Variants in AGA observed in about 807,000 individuals in gnomAD.
AGA encodes the protein N(4)-(beta-N-acetylglucosaminyl)-L-asparaginase.
In AGA, 31 loss-of-function variants were observed where a neutral mutation model predicts 40.1. The ratio of observed to expected loss-of-function variants is 0.77; its 90% confidence interval spans 0.58 to 1.04. AGA has a LOEUF of 1.04. Ranked by LOEUF, AGA falls within the 50% of genes least tolerant of loss-of-function variation. AGA has a pLI of 0.00. For missense variants in AGA, 445 were observed against 435.4 expected, an observed-to-expected ratio of 1.02 and a Z score of -0.20; for synonymous variants, 148 against 144.0, an observed-to-expected ratio of 1.03 and a Z score of -0.20.
intron 8 of AGA, among the ~76,000 whole-genome samples, chr4:177,432,528 C>A (rs1736664145): frequency 6.6e-6 from 1 of 151,940 alleles, no homozygotes; most frequent in African/African-American, 2.4e-5. Flanking sequence ...TAAAGCATTC[C>A]TCAAACAAGT....
chr4:177,440,916 G>GAT (rs1368605176), intron 1 of AGA, among the ~76,000 whole-genome samples: 1 of 152,132 alleles, frequency 6.6e-6, no homozygotes. Context: ...GACTTCATAT[G>GAT]GATTAGTTCA....
At chr4:177,438,710 A>G in intron 4 of AGA, 35 bp downstream of exon 4, 1 of 1,383,912 alleles carries the variant, frequency 7.2e-7, no homozygotes. Flanking sequence ...AATATTTTCA[A>G]TTAACTTATT....
intron 7 of AGA, among the ~76,000 whole-genome samples, chr4:177,433,793 G>C (rs1736704362): frequency 6.6e-6 from 1 of 152,086 alleles, no homozygotes; most frequent in Non-Finnish European, 1.5e-5. Context: ...TTACTCAGTA[G>C]CTTTACATCA....
chr4:177,442,101 G>C (rs1174512560), intron 1 of AGA, 148 bp downstream of exon 1: 10 of 1,195,064 alleles, frequency 8.4e-6, no homozygotes, highest in Admixed American at 7.5e-5. Context: ...CTGGAGACTC[G>C]GGAAGACCTA....
intron 6 of AGA, 143 bp from the exon 7 acceptor site, chr4:177,434,632 G>A: frequency 1.5e-6 from 1 of 688,810 alleles, no homozygotes; most frequent in Non-Finnish European, 2.5e-6. Context: ...GACAGAACAG[G>A]TCTTCATTAG....
In AGA at chr4:177,433,125, T is replaced by C. The variant is rs953047061; in HGVS notation, c.940+89A>G. On this transcript the variant is annotated intron_variant, in intron 8 of 8. Transcript: ENST00000264595. ...AAGGAGTCTCTTTTTCTATTGAATA[T>C]AGTGTATTGTACAAAACAATATTTA... 5 of 1,556,230 alleles carry C rather than the reference T, an allele frequency of 3.2e-6. No homozygotes were observed. The African/African-American group carries it at 5.4e-5, about 17-fold the overall frequency.
At chr4:177,433,031 G>A (rs1347773209) in intron 8 of AGA, among the ~76,000 whole-genome samples, 183 bp downstream of exon 8, 2 of 152,122 alleles carry the variant, frequency 1.3e-5, no homozygotes, top group Non-Finnish European at 2.9e-5. Flanking sequence ...AATCCAAAGA[G>A]GCTTTTAGGT....
chr4:177,440,285 A>G lies in AGA; in HGVS notation c.269T>C (p.Met90Thr). Reference sequence around the variant, plus strand: ...ACGGTGTTCTTACCCATCCATGATCATGGCATCTAGTGTGGTTTCTCCAAG... The same window carrying G: ...ACGGTGTTCTTACCCATCCATGATCGTGGCATCTAGTGTGGTTTCTCCAAG... ...DELGETTLDA[M>T]IMDGTTMDVG... is the part of the protein sequence containing the mutation. Residue 90 changes from methionine to threonine, a missense_variant, in exon 2 of 9, where the codon ATG becomes ACG. By Grantham distance (81) the Met-to-Thr change is moderately conservative. Coordinates refer to ENST00000264595, the MANE Select transcript of AGA (RefSeq NM_000027.4). 1 of 1,613,928 alleles carries G rather than the reference A, an allele frequency of 6.2e-7. No homozygotes were observed. Among genetic ancestry groups the G allele is most frequent in the South Asian group, 1.1e-5 (1 of 91,068 alleles).
Position 177,440,286 on chromosome 4 carries a change from TG to T in AGA, c.267del (p.Met90Ter). The T allele has an allele frequency of 6.2e-7, 1 of 1,614,056 alleles. No individual in the cohort carries two copies. Among genetic ancestry groups the T allele is most frequent in the Non-Finnish European group, 8.5e-7 (1 of 1,180,012 alleles). ...PDELGETTLD[A>X]MIMDGTTMDV... ...CGGTGTTCTTACCCATCCATGATCA[TG>T]GCATCTAGTGTGGTTTCTCCAAGTT... On this transcript the variant is annotated frameshift_variant, in exon 2 of 9. Transcript: ENST00000264595. LOFTEE classifies it high-confidence loss of function.
Position 177,430,803 on chromosome 4 carries a change from T to C in AGA, c.*905A>G, listed in dbSNP as rs1191217511. ...AATATCGTACATGTACATTTATTAA[T>C]GACTGTTGATTAAAAAGATGATTTT... On this transcript the variant is annotated 3_prime_UTR_variant, in exon 9 of 9. Transcript: ENST00000264595. The C allele has an allele frequency of 8.8e-6, 4 of 453,874 alleles. No individual in the cohort carries two copies. The highest frequency in any genetic ancestry group is 3.1e-5 in the South Asian group (2 of 64,470). 28.1% of individuals were successfully genotyped at this position (453,874 alleles called of 1,614,324 possible).
In AGA at chr4:177,436,321, A is replaced by G. The variant is rs1560947999; in HGVS notation, c.653T>C (p.Ile218Thr). Residue 218 changes from isoleucine (I) to threonine (T), a missense_variant, in exon 6 of 9, where the codon ATT becomes ACT. By Grantham distance (89) the Ile-to-Thr change is moderately conservative. Coordinates refer to ENST00000264595, the MANE Select transcript of AGA (RefSeq NM_000027.4). ...GMVVIHKTGH[I>T]AAGTSTNGIK... The stretch of plus-strand genomic sequence containing the variant: ...ACCATTTGTAGATGTACCAGCAGCA[A>G]TATGTCCTGTCTTATGGATTACAAC... The G allele has an allele frequency of 4.3e-6, 7 of 1,613,762 alleles. No homozygotes were observed. Among genetic ancestry groups the G allele is most frequent in the Non-Finnish European group, 5.9e-6 (7 of 1,179,850 alleles).
At position 177,437,385 on chromosome 4, in the gene AGA, C is replaced by T; in HGVS notation, c.622+20G>A. On this transcript the variant is annotated intron_variant, in intron 5 of 8. Coordinates refer to ENST00000264595, the MANE Select transcript of AGA (RefSeq NM_000027.4). ...ATTAACTAAACTTTATCCATAAAAACTGCACAAAAGGCAAATTACCAATAG... is the reference window on the plus strand; with the variant it reads ...ATTAACTAAACTTTATCCATAAAAATTGCACAAAAGGCAAATTACCAATAG... 1 of 1,518,446 alleles carries T rather than the reference C, an allele frequency of 6.6e-7. No individual in the cohort carries two copies. The highest frequency in any genetic ancestry group is 9.1e-7 in the Non-Finnish European group (1 of 1,093,278). 94.1% of individuals were successfully genotyped at this position (1,518,446 alleles called of 1,614,324 possible).
chr4:177,431,705 G>A lies in AGA; in HGVS notation c.*3C>T, dbSNP rs1736640740. 2 of 1,602,500 alleles carry A rather than the reference G, an allele frequency of 1.2e-6. No individual in the cohort carries two copies. Among genetic ancestry groups the A allele is most frequent in the South Asian group, 2.2e-5 (2 of 90,752 alleles). ...AAATACAGATGTTGACAGTAAAGATGGATTAGATGCAGTCCACTTTTTCCT... is the reference window on the plus strand; with the variant it reads ...AAATACAGATGTTGACAGTAAAGATAGATTAGATGCAGTCCACTTTTTCCT... On this transcript the variant is annotated 3_prime_UTR_variant, in exon 9 of 9. Transcript: ENST00000264595.
At chr4:177,435,298 T>G (rs1736775141) in intron 6 of AGA, among the ~76,000 whole-genome samples, 1 of 152,236 alleles carries the variant, frequency 6.6e-6, no homozygotes, top group African/African-American at 2.4e-5. Flanking sequence ...TTAGCCATTC[T>G]ACAACATATA....
chr4:177,441,974 T>A lies in AGA; in HGVS notation c.127+275A>T, dbSNP rs185933943. Reference sequence around the variant, plus strand: ...TAAAGCACAAAGGCCATAACTATGGTCAGCAGCAGGGTGGAAAATACATTG... The same window carrying A: ...TAAAGCACAAAGGCCATAACTATGGACAGCAGCAGGGTGGAAAATACATTG... On this transcript the variant is annotated intron_variant, in intron 1 of 8. Coordinates refer to ENST00000264595, the MANE Select transcript of AGA (RefSeq NM_000027.4). Among the ~76,000 whole-genome samples, 64 of 152,242 alleles carry A rather than the reference T, an allele frequency of 4.2e-4. 1 individual carries two copies. The highest frequency in any genetic ancestry group is 1.5e-3 in the African/African-American group (63 of 41,552).
intron 1 of AGA, among the ~76,000 whole-genome samples, chr4:177,441,192 G>T (rs531385105): frequency 6.6e-5 from 10 of 152,082 alleles, no homozygotes; most frequent in African/African-American, 2.4e-4. Context: ...GTGTATTTAC[G>T]CAAGTTCCCT....
chr4:177,434,491 T>C lies in AGA; in HGVS notation c.699-2A>G. 6.2e-7 allele frequency: 1 copy of C among 1,613,266 alleles called. No individual in the cohort carries two copies. The highest frequency in any genetic ancestry group is 1.1e-5 in the South Asian group (1 of 91,074). On this transcript the variant is annotated splice_acceptor_variant, in intron 6 of 8. Transcript: ENST00000264595. LOFTEE classifies it high-confidence loss of function. ...GGTATTGGTGAGTCTCCTACACGGC[T>C]TTGAGAGGGTATTAACAATTTACGG...
chr4:177,434,395 G>C lies in AGA; in HGVS notation c.793C>G (p.Arg265Gly). ...AATGNGDILM[R>G]FLPSYQAVEY... ...AAGAAGTCATACCTTGGCAGGAAGCGCATCAATATATCACCATTCCCAGTG... is the reference window on the plus strand; with the variant it reads ...AAGAAGTCATACCTTGGCAGGAAGCCCATCAATATATCACCATTCCCAGTG... The change falls in exon 7 of 9, where the codon CGC (arginine) becomes GGC (glycine). Residue 265 changes from arginine to glycine, a missense_variant. Physicochemically the swap from Arg to Gly is moderately radical, Grantham distance 125. Coordinates refer to ENST00000264595, the MANE Select transcript of AGA (RefSeq NM_000027.4). 6.2e-7 allele frequency: 1 copy of C among 1,613,900 alleles called. No individual in the cohort carries two copies. Among genetic ancestry groups the C allele is most frequent in the Non-Finnish European group, 8.5e-7 (1 of 1,179,796 alleles).
At position 177,431,331 on chromosome 4, in the gene AGA, TA is replaced by T. The variant is rs1405794938; in HGVS notation, c.*376del. On this transcript the variant is annotated 3_prime_UTR_variant, in exon 9 of 9. Transcript: ENST00000264595. ...ACTCTGCTGTTTTTTTCTTTGGGTC[TA>T]AAAAACTTGTATACTCTATTTTAAG... 2 of 449,422 alleles carry T rather than the reference TA, an allele frequency of 4.5e-6. No homozygotes were observed. The highest frequency in any genetic ancestry group is 2.5e-5 in the Admixed American group (1 of 40,736). 27.8% of individuals were successfully genotyped at this position (449,422 alleles called of 1,614,324 possible).
Sources: gnomAD v4.1 joint callset for allele counts (sites outside exome capture counted in the v4.1 genomes callset) on GRCh38, gnomAD v4.1.1 for gene constraint, MANE v1.5 for transcripts, NCBI Gene and HGNC (gene_info 2026-07-23, HGNC 2026-07-21) for gene names.